The following LPAR5 variants were observed in gnomAD, a reference collection of about 807,000 sequenced individuals.
The protein encoded by LPAR5 is G protein-coupled receptor 92.
For synonymous variants in LPAR5, 271 were observed against 261.6 expected (o/e 1.04, Z -0.35); for missense variants, 544 against 521.8 (o/e 1.04, Z -0.41).
Position 6,620,393 on chromosome 12 carries a change from C to T in LPAR5, c.856G>A (p.Ala286Thr). The change falls in exon 2 of 2, where the codon GCC becomes ACC. Residue 286 changes from alanine (A) to threonine (T), a missense_variant. Ala to Thr is a moderately conservative substitution (Grantham distance 58). Transcript: ENST00000329858. The surrounding 1 kb of genome is among the most constrained non-coding windows in gnomAD (Gnocchi z 6.8). The part of the protein sequence containing the change: ...RGVLMVMVLL[A>T]GANCVLDPLV... Reference sequence around the variant, plus strand: ...GGGTCCAGCACGCAGTTGGCGCCGGCCAGCAGCACCATCACCATCAGCACC... The same window carrying T: ...GGGTCCAGCACGCAGTTGGCGCCGGTCAGCAGCACCATCACCATCAGCACC... 6.2e-7 allele frequency: 1 copy of T among 1,611,446 alleles called. No individual in the cohort carries two copies. The highest frequency in any genetic ancestry group is 1.1e-5 in the South Asian group (1 of 90,946).
intron 1 of LPAR5, among the ~76,000 whole-genome samples, chr12:6,630,148 A>G (rs1299004094): frequency 4.0e-5 from 6 of 151,276 alleles, no homozygotes; most frequent in Non-Finnish European, 8.8e-5. Flanking sequence ...TTTTTTGGAT[A>G]CAGTCTCACT....
intron 1 of LPAR5, among the ~76,000 whole-genome samples, chr12:6,633,735 G>C (rs1434037226): frequency 6.6e-6 from 1 of 152,000 alleles, no homozygotes; most frequent in Non-Finnish European, 1.5e-5. Flanking sequence ...TTTTTAAAAT[G>C]CCCCTGGGCA....
chr12:6,620,628 C>G lies in LPAR5; in HGVS notation c.621G>C (p.Val207=), dbSNP rs956625880. The G allele has an allele frequency of 7.7e-6, 12 of 1,552,420 alleles. No individual in the cohort carries two copies. The African/African-American group carries it at 1.5e-4, about 19-fold the overall frequency. ...AGAAGACTCGGCCCGACGAGTAGAC[C>G]ACCGCCGCCAGGGGCAGCAGGAAGC... ...ALGFLLPLAA[V]VYSSGRVFWT... Residue 207 remains valine, a synonymous_variant, in exon 2 of 2, where the codon GTG becomes GTC. Coordinates refer to ENST00000329858, the MANE Select transcript of LPAR5 (RefSeq NM_020400.6). This position sits in a 1 kb window ranked among gnomAD's most constrained non-coding sequence, Gnocchi z 6.8.
In LPAR5 at chr12:6,620,931, G is replaced by C. The variant is rs917617382; in HGVS notation, c.318C>G (p.Tyr106Ter). 6.2e-7 allele frequency: 1 copy of C among 1,608,066 alleles called. No homozygotes were observed. The highest frequency in any genetic ancestry group is 1.1e-5 in the South Asian group (1 of 90,040). Residue 106 changes from tyrosine to a stop codon, truncating the protein, a stop_gained, in exon 2 of 2, where the codon TAC (tyrosine) becomes TAG (stop). Coordinates refer to ENST00000329858, the MANE Select transcript of LPAR5 (RefSeq NM_020400.6). LOFTEE classifies it low-confidence loss of function (END_TRUNC). The surrounding 1 kb of genome is among the most constrained non-coding windows in gnomAD (Gnocchi z 6.8). ...TTGAIFQMNMYGSCIFLMLIN... is the reference protein window; with the variant it reads ...TTGAIFQMNM ...TGAGCATCAGGAAGATGCAGCTGCC[G>C]TACATGTTCATCTGGAAGATGGCGC... is the stretch of plus-strand genomic sequence containing the variant.
intron 1 of LPAR5, among the ~76,000 whole-genome samples, chr12:6,632,250 C>T (rs926466482): frequency 3.3e-5 from 5 of 152,106 alleles, no homozygotes; most frequent in Admixed American, 6.6e-5. Flanking sequence ...GAATTACAGG[C>T]GTGAGCCACT....
In LPAR5 at chr12:6,621,595, G is replaced by C. The variant is rs113716490; in HGVS notation, c.-216-131C>G. 5.1e-3 allele frequency: 1,133 copies of C among 220,686 alleles called. 11 individuals carry two copies. The highest frequency in any genetic ancestry group is 0.024 in the African/African-American group (1,047 of 43,786). The allele number at this position is 220,686 out of a possible 1,614,324, so 13.7% of individuals were successfully genotyped here. ...CCATTGGGCTAGAATAGGTTCCTAC[G>C]GCAGGACTATATAGTATAGTGTTAA... On this transcript the variant is annotated intron_variant, in intron 1 of 1. Coordinates refer to ENST00000329858, the MANE Select transcript of LPAR5 (RefSeq NM_020400.6).
chr12:6,624,437 C>T (rs1948919414), intron 1 of LPAR5, among the ~76,000 whole-genome samples: 1 of 152,200 alleles, frequency 6.6e-6, no homozygotes, highest in Non-Finnish European at 1.5e-5. Flanking sequence ...GTACTACCCA[C>T]CGCACCCCAT....
chr12:6,620,227 G>T lies in LPAR5; in HGVS notation c.1022C>A (p.Ala341Asp). The T allele has an allele frequency of 6.2e-7, 1 of 1,612,208 alleles. No homozygotes were observed. The highest frequency in any genetic ancestry group is 8.5e-7 in the Non-Finnish European group (1 of 1,179,196). The change falls in exon 2 of 2, where the codon GCC (alanine) becomes GAC (aspartate). Residue 341 changes from alanine (A) to aspartate (D), a missense_variant. By Grantham distance (126) the Ala-to-Asp change is moderately radical. Coordinates refer to ENST00000329858, the MANE Select transcript of LPAR5 (RefSeq NM_020400.6). This position sits in a 1 kb window ranked among gnomAD's most constrained non-coding sequence, Gnocchi z 6.8. Reference sequence around the variant, plus strand: ...CTGACTGGCGGCATCCGGCCTGGTGGCGTCGGTGGTGACGGCGGACCTTTC... The same window carrying T: ...CTGACTGGCGGCATCCGGCCTGGTGTCGTCGGTGGTGACGGCGGACCTTTC... Reference protein sequence around the residue: ...QSERSAVTTDATRPDAASQGL... With the variant: ...QSERSAVTTDDTRPDAASQGL...
chr12:6,634,252 G>A (rs952802896), intron 1 of LPAR5, among the ~76,000 whole-genome samples: 2 of 150,694 alleles, frequency 1.3e-5, no homozygotes, highest in Non-Finnish European at 3.0e-5. Flanking sequence ...TGATCTGCCC[G>A]CCTTGGCCTC....
chr12:6,631,228 TAA>T lies in LPAR5; in HGVS notation c.-217+4677_-217+4678del, dbSNP rs540386515. Among the ~76,000 whole-genome samples, 100 of 152,198 alleles carry T rather than the reference TAA, an allele frequency of 6.6e-4. 3 individuals are homozygous for T. Among genetic ancestry groups the T allele is most frequent in the South Asian group, 3.9e-3 (19 of 4,818 alleles). On this transcript the variant is annotated intron_variant, in intron 1 of 1. Transcript: ENST00000329858. Reference sequence around the variant, plus strand: ...TGCACAGACACATATACACACACGCTAAGAGATGTGCACACAAGACCCCTAGT... The same window carrying T: ...TGCACAGACACATATACACACACGCTGAGATGTGCACACAAGACCCCTAGT...
chr12:6,623,376 A>G (rs780666897), intron 1 of LPAR5, among the ~76,000 whole-genome samples: 5 of 152,158 alleles, frequency 3.3e-5, no homozygotes, highest in Non-Finnish European at 7.4e-5. Flanking sequence ...TCTACTAAAA[A>G]TACAAAGATT....
At chr12:6,622,274 AAAAATTAGCCT>A (rs1948902350) in intron 1 of LPAR5, among the ~76,000 whole-genome samples, 6 of 151,008 alleles carry the variant, frequency 4.0e-5, no homozygotes, top group Non-Finnish European at 1.5e-5. Context: ...AAAAAATACC[AAAAATTAGCCT>A]GGCATAGGGG....
intron 1 of LPAR5, among the ~76,000 whole-genome samples, chr12:6,631,846 AGGGCAG>A (rs1297067285): frequency 6.6e-6 from 1 of 152,220 alleles, no homozygotes; most frequent in Non-Finnish European, 1.5e-5. Context: ...AACAATGAGA[AGGGCAG>A]GGGCAGGGGA....
At chr12:6,634,493 TGTG>T in intron 1 of LPAR5, among the ~76,000 whole-genome samples, 1 of 151,446 alleles carries the variant, frequency 6.6e-6, no homozygotes, top group Non-Finnish European at 1.5e-5. Context: ...AGTAGCTGGT[TGTG>T]GTGGCTCAAG....
chr12:6,619,776 A>C lies in LPAR5; in HGVS notation c.*354T>G. The C allele has an allele frequency of 2.5e-6, 1 of 406,098 alleles. No individual in the cohort carries two copies. Among genetic ancestry groups the C allele is most frequent in the Non-Finnish European group, 4.7e-6 (1 of 211,180 alleles). 25.2% of individuals were successfully genotyped at this position (406,098 alleles called of 1,614,324 possible). On this transcript the variant is annotated 3_prime_UTR_variant, in exon 2 of 2. Transcript: ENST00000329858. ...AGCTCTCAGGCCCCTGTGGCGGTTTAGATCCAGAATGCCCATTTTCTGTTC... is the reference window on the plus strand; with the variant it reads ...AGCTCTCAGGCCCCTGTGGCGGTTTCGATCCAGAATGCCCATTTTCTGTTC...
chr12:6,621,418 GC>G lies in LPAR5; in HGVS notation c.-171del. On this transcript the variant is annotated 5_prime_UTR_variant, in exon 2 of 2. Transcript: ENST00000329858. ...GCTATGGCTGCAGGGACAGATGGCT[GC>G]CAAGGGTTGGGTGCGTTTGGTCACA... 1.7e-6 allele frequency: 1 copy of G among 589,886 alleles called. No homozygotes were observed. Among genetic ancestry groups the G allele is most frequent in the Non-Finnish European group, 2.6e-6 (1 of 379,124 alleles). 36.5% of individuals were successfully genotyped at this position (589,886 alleles called of 1,614,324 possible). A position where few individuals can be genotyped will look rare whatever the true frequency, so the allele number is the denominator to read the frequency against.
intron 1 of LPAR5, among the ~76,000 whole-genome samples, chr12:6,626,625 C>G (rs920352493): frequency 4.6e-5 from 7 of 152,234 alleles, no homozygotes; most frequent in African/African-American, 1.7e-4. Context: ...CTCCCCTGCT[C>G]CATGCTCCTT....
rs769258879 is a variant in LPAR5, at chr12:6,620,328, G to C, written c.921C>G (p.Thr307=). 2.5e-6 allele frequency: 4 copies of C among 1,609,844 alleles called. No individual in the cohort carries two copies. Among genetic ancestry groups the C allele is most frequent in the Middle Eastern group, 1.7e-4 (1 of 6,050 alleles). The stretch of plus-strand genomic sequence containing the variant: ...GGTGCGGAGTGCCCAGGCCGCGCAG[G>C]GTGTTGCGGAAGCCCTCGGCGCTAA... The part of the protein sequence containing the change: ...YYFSAEGFRN[T]LRGLGTPHRA... Residue 307 remains threonine (T), a synonymous_variant, in exon 2 of 2, where the codon ACC becomes ACG. Coordinates refer to ENST00000329858, the MANE Select transcript of LPAR5 (RefSeq NM_020400.6). The surrounding 1 kb of genome is among the most constrained non-coding windows in gnomAD (Gnocchi z 6.8).
chr12:6,619,234 A>G lies in LPAR5; in HGVS notation c.*896T>C, dbSNP rs1948864502. On this transcript the variant is annotated 3_prime_UTR_variant, in exon 2 of 2. Transcript: ENST00000329858. Reference sequence around the variant, plus strand: ...CAAAATATAAGCAAAGCTCTTTGAGATCCTCAATTTCTAAGAGTGGGGTCT... The same window carrying G: ...CAAAATATAAGCAAAGCTCTTTGAGGTCCTCAATTTCTAAGAGTGGGGTCT... The G allele has an allele frequency of 6.6e-6, 1 of 152,192 alleles. No homozygotes were observed. The highest frequency in any genetic ancestry group is 2.4e-5 in the African/African-American group (1 of 41,440). 9.4% of individuals were successfully genotyped at this position (152,192 alleles called of 1,614,324 possible). A position where few individuals can be genotyped will look rare whatever the true frequency, so the allele number is the denominator to read the frequency against.
Sources: gnomAD v4.1 joint callset for allele counts (sites outside exome capture counted in the v4.1 genomes callset) on GRCh38, gnomAD v4.1.1 for gene constraint, Gnocchi (gnomAD v3.1) non-coding constraint, MANE v1.5 for transcripts, NCBI Gene and HGNC (gene_info 2026-07-23, HGNC 2026-07-21) for gene names.